C11orf65: variants seen among roughly 807,000 people sequenced by gnomAD.
C11orf65 encodes the protein chromosome 11 open reading frame 65.
In C11orf65, 38 loss-of-function variants were observed where a neutral mutation model predicts 35.3. The ratio of observed to expected loss-of-function variants is 1.08; its 90% CI spans 0.83 to 1.41. The LOEUF is 1.41. Among genes scored for constraint, C11orf65 ranks in the 40% most tolerant of loss-of-function variants. The pLI is 0.00. For synonymous variants in C11orf65, 105 were observed against 114.4 expected (o/e 0.92, Z 0.53); for missense variants, 370 against 367.1 (o/e 1.01, Z -0.06).
rs375236517 is a variant in C11orf65, at chr11:108,333,831, A to C, written c.299+1389T>G. The C allele has an allele frequency of 5.9e-6, 8 of 1,360,168 alleles. No homozygotes were observed. In the African/African-American group the frequency reaches 7.2e-5, roughly 12 times the overall value. 84.3% of individuals were successfully genotyped at this position (1,360,168 alleles called of 1,614,324 possible). A position where few individuals can be genotyped will look rare whatever the true frequency, so the allele number is the denominator to read the frequency against. The stretch of plus-strand genomic sequence containing the variant: ...GGTATCTGCTGACTATTCCTGCTTG[A>C]CCTTCAATGCTGTTCCTCAGTTTGT... On this transcript the variant is annotated intron_variant, in intron 3 of 3. Coordinates refer to the C11orf65 transcript ENST00000524755.
intron 5 of C11orf65, among the ~76,000 whole-genome samples, chr11:108,406,088 T>C (rs2092534799): frequency 6.6e-6 from 1 of 152,204 alleles, no homozygotes; most frequent in Admixed American, 6.5e-5. Flanking sequence ...CCAAACACTA[T>C]ATATTTGCCC....
At chr11:108,363,319 C>T (rs955151003) in intron 2 of C11orf65, among the ~76,000 whole-genome samples, 5 of 152,194 alleles carry the variant, frequency 3.3e-5, no homozygotes, top group Non-Finnish European at 1.5e-5. Context: ...CTTCAGAGCA[C>T]TTTAACCTGG....
chr11:108,426,244 A>C (rs1157215517), intron 3 of C11orf65, among the ~76,000 whole-genome samples: 3 of 152,212 alleles, frequency 2.0e-5, no homozygotes, highest in African/African-American at 7.2e-5. Flanking sequence ...TATATTTAGA[A>C]AGCCCCATTG....
chr11:108,398,404 A>G (rs1281522031), intron 6 of C11orf65, among the ~76,000 whole-genome samples: 3 of 152,254 alleles, frequency 2.0e-5, no homozygotes, highest in African/African-American at 4.8e-5. Context: ...ATGCAGTGTC[A>G]TAAGCTGAGA....
rs948162573 is a variant in C11orf65 at position 108,467,124 on chromosome 11, G to A, written c.-10+347C>T. ...ATTAATGTGTACTTCCCGGTCAGCG[G>A]GAAGGTGGACGGAGTAATATCTTTG... On this transcript the variant is annotated intron_variant, in intron 1 of 8. Transcript: ENST00000393084. Among the ~76,000 whole-genome samples, 3 of 152,220 alleles carry A rather than the reference G, an allele frequency of 2.0e-5. No homozygotes were observed. In the South Asian group the frequency reaches 6.2e-4, roughly 32 times the overall value.
At chr11:108,459,266 A>G (rs1032686737) in intron 2 of C11orf65, among the ~76,000 whole-genome samples, 2 of 152,092 alleles carry the variant, frequency 1.3e-5, no homozygotes, top group Admixed American at 6.6e-5. Context: ...TAAAAAAGAG[A>G]TAAGACTCCA....
At position 108,405,086 on chromosome 11, in the gene C11orf65, T is replaced by C. The variant is rs2092515428; in HGVS notation, c.560+343A>G. Among the ~76,000 whole-genome samples the C allele has an allele frequency of 2.0e-5, 3 of 152,242 alleles. No individual in the cohort carries two copies. The South Asian group carries it at 6.2e-4, about 31-fold the overall frequency. ...GGTCTTAAGACAAGCCTTTGATGTG[T>C]GCTTTTTACTCGGGAAGTCCACAAT... is the stretch of plus-strand genomic sequence containing the variant. On this transcript the variant is annotated intron_variant, in intron 6 of 8. Coordinates refer to ENST00000393084, the MANE Select transcript of C11orf65 (RefSeq NM_152587.5).
upstream of C11orf65, among the ~76,000 whole-genome samples, chr11:108,469,248 A>G (rs1350410447): frequency 6.6e-6 from 1 of 151,788 alleles, no homozygotes; most frequent in African/African-American, 2.4e-5. Context: ...AAATTACACA[A>G]CAATGTGAAT....
chr11:108,368,766 A>G (rs981716144), intron 2 of C11orf65: 5 of 211,400 alleles, frequency 2.4e-5, no homozygotes, highest in Non-Finnish European at 3.8e-5. Context: ...ATACCTCCCC[A>G]AAGTGTTTAC....
intron 6 of C11orf65, chr11:108,325,512 T>A (rs2136317661): frequency 6.2e-7 from 1 of 1,612,316 alleles, no homozygotes; most frequent in South Asian, 1.1e-5. Context: ...TGTAGAACTC[T>A]CTATACTGGC....
chr11:108,469,125 T>C (rs1332354598), upstream of C11orf65, among the ~76,000 whole-genome samples: 2 of 151,602 alleles, frequency 1.3e-5, no homozygotes, highest in African/African-American at 4.9e-5. Flanking sequence ...GGCAGGAGAA[T>C]TGATAGAACC....
At chr11:108,343,397 T>C (rs2087851222) in intron 2 of C11orf65, 2 of 1,612,752 alleles carry the variant, frequency 1.2e-6, no homozygotes, top group Non-Finnish European at 1.7e-6. Context: ...AATTAAAGGT[T>C]ATTGTAAGAT....
Position 108,316,034 on chromosome 11 carries a change from C to T in C11orf65, c.641-6963G>A, listed in dbSNP as rs1299506506. On this transcript the variant is annotated intron_variant, in intron 6 of 6. Coordinates refer to the C11orf65 transcript ENST00000525729. ...AGACTACGAACATATGAACACGAAG[C>T]AATGTGGGGCAAAGCCCTAGTAACA... 2 of 1,614,098 alleles carry T rather than the reference C, an allele frequency of 1.2e-6. No homozygotes were observed. The highest frequency in any genetic ancestry group is 8.5e-7 in the Non-Finnish European group (1 of 1,180,000).
chr11:108,404,638 C>T (rs2092506108), intron 6 of C11orf65, among the ~76,000 whole-genome samples: 1 of 145,150 alleles, frequency 6.9e-6, no homozygotes, highest in Non-Finnish European at 1.5e-5. Context: ...ACCATGTTAG[C>T]GAGGATGGTC....
upstream of C11orf65, among the ~76,000 whole-genome samples, chr11:108,469,227 A>G (rs59737428): frequency 0.066 from 10,034 of 151,828 alleles, 438 homozygotes; most frequent in Middle Eastern, 0.095. Context: ...AAAAAAAAAA[A>G]ATTAAATTCA....
At chr11:108,324,237 C>T (rs1207237144) in intron 6 of C11orf65, among the ~76,000 whole-genome samples, 4 of 151,892 alleles carry the variant, frequency 2.6e-5, no homozygotes, top group Non-Finnish European at 4.4e-5. Context: ...CTAGAGGTTA[C>T]GTGTAATAGG....
At chr11:108,457,910 A>C (rs2093426954) in intron 2 of C11orf65, among the ~76,000 whole-genome samples, 1 of 152,058 alleles carries the variant, frequency 6.6e-6, no homozygotes, top group South Asian at 2.1e-4. Flanking sequence ...ATCTAGAATC[A>C]AGATGCTGTG....
intron 4 of C11orf65, 53 bp downstream of exon 4, chr11:108,407,043 A>C (rs1392012395): frequency 6.3e-7 from 1 of 1,575,640 alleles, no homozygotes; most frequent in Non-Finnish European, 8.7e-7. Context: ...CATTGTTTCA[A>C]TTTCATAAAA....
intron 1 of C11orf65, among the ~76,000 whole-genome samples, chr11:108,462,256 G>C (rs2093481714): frequency 6.6e-6 from 1 of 152,124 alleles, no homozygotes; most frequent in African/African-American, 2.4e-5. Context: ...TGTTTCCCAG[G>C]CTGGTCTTGA....
Sources: gnomAD v4.1 joint callset for allele counts (sites outside exome capture counted in the v4.1 genomes callset) on GRCh38, gnomAD v4.1.1 for gene constraint, MANE v1.5 for transcripts, NCBI Gene and HGNC (gene_info 2026-07-23, HGNC 2026-07-21) for gene names.